FARS2: variants seen among roughly 807,000 people sequenced by gnomAD.
FARS2 encodes the protein phenylalanyl-tRNA synthetase 2, mitochondrial, also known as phenylalanine--tRNA ligase, mitochondrial.
In FARS2, 40 loss-of-function variants were observed where a neutral mutation model predicts 46.4. That is an observed-to-expected ratio of 0.86 (90% CI 0.67 to 1.12). FARS2 has a LOEUF of 1.12. Among genes scored for constraint, FARS2 ranks in the 50% most tolerant of loss-of-function variants. FARS2 has a pLI of 0.00. For synonymous variants in FARS2, 234 were observed against 214.9 expected (o/e 1.09, Z -0.78); for missense variants, 513 against 567.9 (o/e 0.90, Z 0.98).
chr6:5,616,010 T>TAAAAAAAAAAAAAAAAAAAAAA (rs11327256), intron 6 of FARS2, among the ~76,000 whole-genome samples: 1 of 95,830 alleles, frequency 1.0e-5, no homozygotes, highest in Non-Finnish European at 2.1e-5. Flanking sequence ...CCATAGCTCT[T>TAAAAAAAAAAAAAAAAAAAAAA]AAAAAAAAAA....
chr6:5,490,491 T>A (rs906947750), intron 4 of FARS2, among the ~76,000 whole-genome samples: 1 of 152,248 alleles, frequency 6.6e-6, no homozygotes, highest in African/African-American at 2.4e-5. Context: ...TTAAAGCAAC[T>A]GTACCATTTT....
At chr6:5,305,325 C>T (rs1051771104) in intron 1 of FARS2, among the ~76,000 whole-genome samples, 2 of 152,178 alleles carry the variant, frequency 1.3e-5, no homozygotes, top group Admixed American at 6.5e-5. Flanking sequence ...ATATGATGTA[C>T]GTGTATGGTA....
At chr6:5,601,561 G>A (rs568211221) in intron 5 of FARS2, among the ~76,000 whole-genome samples, 1 of 149,162 alleles carries the variant, frequency 6.7e-6, no homozygotes, top group East Asian at 2.0e-4. Flanking sequence ...AGACGAGAGT[G>A]GGGAGGCCTC....
intron 4 of FARS2, among the ~76,000 whole-genome samples, chr6:5,498,113 C>T (rs879747997): frequency 5.3e-5 from 8 of 152,056 alleles, no homozygotes; most frequent in Non-Finnish European, 8.8e-5. Context: ...TTGAGTTAGG[C>T]GATTTGATGT....
At chr6:5,398,037 G>A (rs970926483) in intron 2 of FARS2, among the ~76,000 whole-genome samples, 4 of 152,158 alleles carry the variant, frequency 2.6e-5, no homozygotes, top group African/African-American at 9.7e-5. Flanking sequence ...CATGAAGAAC[G>A]TGGTGGTGAT....
At chr6:5,463,370 C>G (rs955253135) in intron 4 of FARS2, among the ~76,000 whole-genome samples, 1 of 152,090 alleles carries the variant, frequency 6.6e-6, no homozygotes, top group African/African-American at 2.4e-5. Flanking sequence ...GGAACCTTTC[C>G]TTTGTCCTTG....
At chr6:5,419,331 G>C (rs1762414059) in intron 3 of FARS2, among the ~76,000 whole-genome samples, 1 of 152,148 alleles carries the variant, frequency 6.6e-6, no homozygotes, top group Non-Finnish European at 1.5e-5. Flanking sequence ...TAAAGTCTCA[G>C]ATTGTTTCAT....
intron 6 of FARS2, among the ~76,000 whole-genome samples, chr6:5,718,947 G>T (rs1003556458): frequency 4.6e-5 from 7 of 152,140 alleles, no homozygotes; most frequent in African/African-American, 1.7e-4. Flanking sequence ...GTGGAAGATG[G>T]CGGGAATGTT....
upstream of FARS2, chr6:5,260,605 C>CCCCGGG: frequency 6.1e-6 from 5 of 822,286 alleles, no homozygotes; most frequent in Non-Finnish European, 9.7e-6. Flanking sequence ...CGGTCCCCGG[C>CCCCGGG]CCCTGGCCCC....
chr6:5,473,393 G>A (rs1765912293), intron 4 of FARS2, among the ~76,000 whole-genome samples: 1 of 152,062 alleles, frequency 6.6e-6, no homozygotes, highest in Non-Finnish European at 1.5e-5. Context: ...CGGGAATGGT[G>A]GCGTGTGCCT....
chr6:5,679,590 A>G (rs1243526224), intron 6 of FARS2, among the ~76,000 whole-genome samples: 1 of 152,166 alleles, frequency 6.6e-6, no homozygotes, highest in Admixed American at 6.5e-5. Context: ...GGTCTCCTAA[A>G]CAGTACAATG....
intron 5 of FARS2, among the ~76,000 whole-genome samples, chr6:5,562,692 TTA>T (rs1491330140): frequency 3.0e-5 from 3 of 99,044 alleles, no homozygotes; most frequent in Non-Finnish European, 5.7e-5. Context: ...CCACTGTAAT[TTA>T]TACACACACA....
At chr6:5,453,096 A>G (rs1269735852) in intron 4 of FARS2, among the ~76,000 whole-genome samples, 1 of 152,190 alleles carries the variant, frequency 6.6e-6, no homozygotes, top group Non-Finnish European at 1.5e-5. Context: ...TTTGCACAAC[A>G]TAGTAAATTG....
At chr6:5,260,608 CTGG>C (rs1554148323), upstream of FARS2, 8 of 1,338,040 alleles carry the variant, frequency 6.0e-6, no homozygotes, top group Admixed American at 2.1e-5. Context: ...TCCCCGGCCC[CTGG>C]CCCCCCGCCC....
At chr6:5,553,613 C>G (rs1483201276) in intron 5 of FARS2, among the ~76,000 whole-genome samples, 2 of 151,852 alleles carry the variant, frequency 1.3e-5, no homozygotes, top group African/African-American at 4.8e-5. Context: ...TTTAACAAAT[C>G]TAAAAATCAG....
Position 5,308,162 on chromosome 6 carries a change from C to T in FARS2, c.-22+46502C>T, listed in dbSNP as rs114213755. 4.7e-3 allele frequency among the ~76,000 whole-genome samples: 709 copies of T among 151,826 alleles called. 4 individuals are homozygous for T. Among genetic ancestry groups the T allele is most frequent in the Non-Finnish European group, 6.7e-3 (453 of 67,940 alleles). On this transcript the variant is annotated intron_variant, in intron 1 of 6. Transcript: ENST00000274680. ...TTGAGAGAATGCCACATGCAAAGGC[C>T]TCAAGGCAAAAAAGGGAGTGATGTG... is the stretch of plus-strand genomic sequence containing the variant.
chr6:5,511,745 T>C (rs1768466640), intron 4 of FARS2, among the ~76,000 whole-genome samples: 1 of 152,198 alleles, frequency 6.6e-6, no homozygotes, highest in Admixed American at 6.5e-5. Context: ...GAATCTTGAC[T>C]CATGCCTCTG....
intron 4 of FARS2, among the ~76,000 whole-genome samples, chr6:5,538,517 G>GAA (rs1561695548): frequency 6.6e-6 from 1 of 152,122 alleles, no homozygotes; most frequent in African/African-American, 2.4e-5. Flanking sequence ...AATTTTGACC[G>GAA]ATTATGTAGC....
intron 6 of FARS2, among the ~76,000 whole-genome samples, chr6:5,623,855 T>A (rs1775902399): frequency 6.6e-6 from 1 of 152,320 alleles, no homozygotes; most frequent in African/African-American, 2.4e-5. Flanking sequence ...CATTTCTGGT[T>A]TGCAAATCAC....
Sources: gnomAD v4.1 joint callset for allele counts (sites outside exome capture counted in the v4.1 genomes callset) on GRCh38, gnomAD v4.1.1 for gene constraint, MANE v1.5 for transcripts, NCBI Gene and HGNC (gene_info 2026-07-23, HGNC 2026-07-21) for gene names.